Variants in MOV10L1 observed in about 807,000 individuals in gnomAD.
MOV10L1 encodes Mov10 like RNA helicase 1.
A neutral mutation model predicts 143.8 loss-of-function variants in MOV10L1; 110 were observed. The ratio of observed to expected loss-of-function variants is 0.76; its 90% confidence interval spans 0.66 to 0.90. The LOEUF (loss-of-function observed/expected upper bound fraction) is 0.90. Among genes scored for constraint, MOV10L1 ranks in the 40% least tolerant of loss-of-function variants. The pLI is 0.00. For synonymous variants in MOV10L1, 593 were observed against 581.1 expected, an observed-to-expected ratio of 1.02 and a Z score of -0.29; for missense variants, 1,406 against 1,526.8, an observed-to-expected ratio of 0.92 and a Z score of 1.32.
intron 16 of MOV10L1, 81 bp from the exon 17 acceptor site, chr22:50,142,962 C>T (rs9628289): frequency 0.044 from 60,002 of 1,363,428 alleles, 1,475 homozygotes; most frequent in African/African-American, 0.088. Flanking sequence ...GACGTGCTGA[C>T]GCCTGACCTA....
intron 13 of MOV10L1, among the ~76,000 whole-genome samples, chr22:50,129,356 A>G (rs1205069614): frequency 6.6e-6 from 1 of 152,180 alleles, no homozygotes; most frequent in Non-Finnish European, 1.5e-5. Flanking sequence ...CAAAAAATGT[A>G]TTCTTCAGTT....
intron 10 of MOV10L1, among the ~76,000 whole-genome samples, chr22:50,121,685 C>T (rs977513279): frequency 5.9e-5 from 9 of 152,222 alleles, no homozygotes; most frequent in African/African-American, 2.2e-4. Context: ...ATCGAGGTGG[C>T]AGAAAAAGCT....
intron 21 of MOV10L1, among the ~76,000 whole-genome samples, chr22:50,151,435 A>T (rs193213104): frequency 1.3e-5 from 2 of 152,244 alleles, no homozygotes; most frequent in Non-Finnish European, 2.9e-5. Context: ...GCCAGTATTA[A>T]CATCAATAGA....
At position 50,142,136 on chromosome 22, in the gene MOV10L1, G is replaced by A; in HGVS notation, c.2126G>A (p.Gly709Asp). ...CATGGAACAGAGGAGAGGCGTGTTGGTGACAAGGACCTGCCGGTGCTGGCA... is the reference window on the plus strand; with the variant it reads ...CATGGAACAGAGGAGAGGCGTGTTGATGACAAGGACCTGCCGGTGCTGGCA... Reference protein sequence around the residue: ...AEHGTEERRVGDKDLPVLAPF... With the variant: ...AEHGTEERRVDDKDLPVLAPF... The change falls in exon 16 of 27, where the codon GGT becomes GAT. Residue 709 changes from glycine to aspartate, a missense_variant. Physicochemically the swap from Gly to Asp is moderately conservative, Grantham distance 94 (BLOSUM62 -1). Transcript: ENST00000262794. 1.2e-6 allele frequency: 2 copies of A among 1,613,580 alleles called. No individual in the cohort carries two copies. Among genetic ancestry groups the A allele is most frequent in the Non-Finnish European group, 1.7e-6 (2 of 1,179,792 alleles).
chr22:50,101,852 TG>T (rs1463705257), intron 3 of MOV10L1, among the ~76,000 whole-genome samples: 1 of 152,044 alleles, frequency 6.6e-6, no homozygotes, highest in East Asian at 1.9e-4. Flanking sequence ...AAGATGAAAT[TG>T]ATAGGTGTCT....
In MOV10L1 at chr22:50,108,628, T is replaced by C. The variant is rs367916131; in HGVS notation, c.556-29T>C. 1.6e-4 allele frequency: 252 copies of C among 1,611,504 alleles called. No homozygotes were observed. In the Middle Eastern group the frequency reaches 2.0e-3, roughly 13 times the overall value. On this transcript the variant is annotated intron_variant, in intron 4 of 26. Coordinates refer to ENST00000262794, the MANE Select transcript of MOV10L1 (RefSeq NM_018995.3). ...GCCCTGTCGTCATGCAGCATCTGCT[T>C]CCTGTGACGCTCAGCTCTCTGCTCC...
chr22:50,105,092 G>A (rs1385271906), intron 3 of MOV10L1, among the ~76,000 whole-genome samples: 1 of 152,056 alleles, frequency 6.6e-6, no homozygotes, highest in Admixed American at 6.6e-5. Flanking sequence ...GGGTTTCACC[G>A]CATTGCCCAG....
rs1336737582 is a variant in MOV10L1 at position 50,113,735 on chromosome 22, G to A, written c.831G>A (p.Thr277=). The change falls in exon 6 of 27, where the codon ACG becomes ACA. Residue 277 remains threonine (T), a synonymous_variant. Transcript: ENST00000262794. Reference sequence around the variant, plus strand: ...GTGATATTGAAGTTACACAGGTGACGCATTTTGGAACCCTAAAGGAAGGAA... The same window carrying A: ...GTGATATTGAAGTTACACAGGTGACACATTTTGGAACCCTAAAGGAAGGAA... ...NKGDIEVTQV[T]HFGTLKEGRS... 54 of 1,613,864 alleles carry A rather than the reference G, an allele frequency of 3.3e-5. No homozygotes were observed. Among genetic ancestry groups the A allele is most frequent in the East Asian group, 6.7e-5 (3 of 44,884 alleles).
At position 50,149,703 on chromosome 22, in the gene MOV10L1, A is replaced by G. The variant is rs367828244; in HGVS notation, c.2716A>G (p.Ile906Val). 19 of 1,613,534 alleles carry G rather than the reference A, an allele frequency of 1.2e-5. No individual in the cohort carries two copies. Among genetic ancestry groups the G allele is most frequent in the Non-Finnish European group, 1.5e-5 (18 of 1,179,710 alleles). The change falls in exon 20 of 27, where the codon ATC becomes GTC. Residue 906 changes from isoleucine to valine, a missense_variant. By Grantham distance (29) the Ile-to-Val change is conservative. Around this residue, in one of 3 missense-constraint regions of MOV10L1, gnomAD observed 1,233 missense variants for 1,351.4 expected, o/e 0.91. Coordinates refer to ENST00000262794, the MANE Select transcript of MOV10L1 (RefSeq NM_018995.3). ...CATTCCTCTGGGGCTGATGTCGGAC[A>G]TCAGTGGCCAGGTAAGTCCCGACTA... ...CLIPLGLMSDISGQIVLAGDP... is the reference protein window; with the variant it reads ...CLIPLGLMSDVSGQIVLAGDP...
intron 26 of MOV10L1, 81 bp from the exon 27 acceptor site, chr22:50,161,287 C>G: frequency 8.1e-7 from 1 of 1,237,242 alleles, no homozygotes; most frequent in Non-Finnish European, 1.1e-6. Flanking sequence ...CCTTGTAAAA[C>G]CCACATTGGG....
At chr22:50,124,015 C>G (rs980883725) in intron 10 of MOV10L1, among the ~76,000 whole-genome samples, 4 of 152,072 alleles carry the variant, frequency 2.6e-5, no homozygotes. Flanking sequence ...AGTAATTTGT[C>G]TTTCCCTTTT....
intron 12 of MOV10L1, among the ~76,000 whole-genome samples, chr22:50,127,001 GACA>G (rs1468644569): frequency 6.6e-6 from 1 of 152,164 alleles, no homozygotes; most frequent in Non-Finnish European, 1.5e-5. Context: ...TTTCCCAGAA[GACA>G]ACATCTTGGC....
chr22:50,152,730 A>G lies in MOV10L1; in HGVS notation c.2893-315A>G, dbSNP rs2063332111. 6.6e-6 allele frequency among the ~76,000 whole-genome samples: 1 copy of G among 152,096 alleles called. No homozygotes were observed. The highest frequency in any genetic ancestry group is 1.5e-5 in the Non-Finnish European group (1 of 68,012). ...CGAGGGAGGCATCCACCTGCCCTCCACCCGGCTGCTGGGTTCCAGGTGGCA... is the reference window on the plus strand; with the variant it reads ...CGAGGGAGGCATCCACCTGCCCTCCGCCCGGCTGCTGGGTTCCAGGTGGCA... On this transcript the variant is annotated intron_variant, in intron 21 of 26. Coordinates refer to ENST00000262794, the MANE Select transcript of MOV10L1 (RefSeq NM_018995.3). This position sits in a 1 kb window ranked among gnomAD's most constrained non-coding sequence, Gnocchi z 4.4.
intron 10 of MOV10L1, among the ~76,000 whole-genome samples, chr22:50,123,155 C>T (rs9617085): frequency 0.14 from 20,081 of 144,350 alleles, 1,609 homozygotes; most frequent in East Asian, 0.24. Context: ...GAGATCGCAC[C>T]ATTGCGCTCC....
chr22:50,145,842 C>T (rs1324390235), intron 19 of MOV10L1, 32 bp downstream of exon 19: 1 of 1,611,382 alleles, frequency 6.2e-7, no homozygotes, highest in Non-Finnish European at 8.5e-7. Context: ...CGGCATGGGG[C>T]CTCCCAGGGC....
At chr22:50,104,468 G>A (rs988784201) in intron 3 of MOV10L1, among the ~76,000 whole-genome samples, 1 of 152,176 alleles carries the variant, frequency 6.6e-6, no homozygotes, top group African/African-American at 2.4e-5. Flanking sequence ...ATGAGGCCAC[G>A]GCCCCTCACA....
At chr22:50,128,648 G>A (rs976559869) in intron 13 of MOV10L1, 141 bp downstream of exon 13, 16 of 563,240 alleles carry the variant, frequency 2.8e-5, no homozygotes, top group South Asian at 1.3e-4. Flanking sequence ...AGGTTCAAGC[G>A]ATTCTCCTGC....
rs554300979 is a variant in MOV10L1 at position 50,153,596 on chromosome 22, C to T, written c.3066+378C>T. ...CCAGAGGCCACCACCGCCTCCCTCC[C>T]GGTGCTTCCCTCGAGGGTTGGAGCT... On this transcript the variant is annotated intron_variant, in intron 22 of 26. Transcript: ENST00000262794. Among the ~76,000 whole-genome samples, 1,341 of 152,316 alleles carry T rather than the reference C, an allele frequency of 8.8e-3. 26 individuals are homozygous for T. Among genetic ancestry groups the T allele is most frequent in the Admixed American group, 0.049 (744 of 15,300 alleles).
intron 15 of MOV10L1, among the ~76,000 whole-genome samples, chr22:50,138,647 A>C (rs1041150996): frequency 2.6e-5 from 4 of 152,222 alleles, no homozygotes; most frequent in African/African-American, 9.6e-5. Flanking sequence ...ATACAAGATC[A>C]GTGTAGAAAA....
Sources: gnomAD v4.1 joint callset for allele counts (sites outside exome capture counted in the v4.1 genomes callset) on GRCh38, gnomAD v4.1.1 for gene constraint, gnomAD v4.1.1 regional missense constraint, Gnocchi (gnomAD v3.1) non-coding constraint, MANE v1.5 for transcripts, NCBI Gene and HGNC (gene_info 2026-07-23, HGNC 2026-07-21) for gene names.